The following PCDHGA1 variants were observed in gnomAD, a reference collection of about 807,000 sequenced individuals.
The protein encoded by PCDHGA1 is protocadherin gamma-A1.
In PCDHGA1, 32 loss-of-function variants were observed where a neutral mutation model predicts 58.0. The ratio of observed to expected loss-of-function variants is 0.55; its 90% confidence interval spans 0.42 to 0.74. The LOEUF (loss-of-function observed/expected upper bound fraction) is 0.74, where lower values mean the gene tolerates loss of function less well. PCDHGA1 is among the 30% of genes least tolerant of loss of function. The pLI is 0.00. For synonymous variants in PCDHGA1, 498 were observed against 501.1 expected, an observed-to-expected ratio of 0.99 and a Z score of 0.08; for missense variants, 1,205 against 1,182.3, an observed-to-expected ratio of 1.02 and a Z score of -0.28.
intron 1 of PCDHGA1, among the ~76,000 whole-genome samples, chr5:141,456,166 G>A (rs531975607): frequency 6.6e-6 from 1 of 152,148 alleles, no homozygotes; most frequent in African/African-American, 2.4e-5. Flanking sequence ...TAAAGTGCTG[G>A]GATTACAGAA....
At chr5:141,437,150 A>T (rs572721302) in intron 1 of PCDHGA1, among the ~76,000 whole-genome samples, 1 of 152,328 alleles carries the variant, frequency 6.6e-6, no homozygotes, top group East Asian at 1.9e-4. Flanking sequence ...CATAATTAAC[A>T]TATGTGTTGA....
At chr5:141,410,008 C>A (rs2095347582) in intron 1 of PCDHGA1, 1 of 1,613,220 alleles carries the variant, frequency 6.2e-7, no homozygotes, top group Non-Finnish European at 8.5e-7. Flanking sequence ...GACACAACGC[C>A]TGGCTGTCCT....
intron 1 of PCDHGA1, among the ~76,000 whole-genome samples, chr5:141,353,186 C>A (rs1033300245): frequency 6.6e-6 from 1 of 151,994 alleles, no homozygotes; most frequent in African/African-American, 2.4e-5. Flanking sequence ...GTATGGTTGG[C>A]AAATCTTGCT....
At chr5:141,414,921 G>T (rs746806079) in intron 1 of PCDHGA1, 22 of 1,613,992 alleles carry the variant, frequency 1.4e-5, no homozygotes, top group East Asian at 4.5e-5. Context: ...TGGAGCTGGC[G>T]CCCCGCTCCG....
At chr5:141,362,729 T>G in intron 1 of PCDHGA1, 1 of 807,602 alleles carries the variant, frequency 1.2e-6, no homozygotes, top group Non-Finnish European at 1.9e-6. Context: ...AAGTGTGAGA[T>G]TTATTTACCC....
At chr5:141,427,882 A>G (rs2097084180) in intron 1 of PCDHGA1, 3 of 1,563,878 alleles carry the variant, frequency 1.9e-6, no homozygotes, top group Non-Finnish European at 2.6e-6. Flanking sequence ...ATGCAGGCCC[A>G]CGACCAGGGC....
In PCDHGA1 at chr5:141,393,531, C is replaced by T. The variant is rs997965420; in HGVS notation, c.2421+60426C>T. On this transcript the variant is annotated intron_variant, in intron 1 of 3. Transcript: ENST00000517417. ...AGTGTTGGATACAAATGACAATGCC[C>T]CGGTTTTTCCTCACCCGATTTACCG... 4 of 1,613,890 alleles carry T rather than the reference C, an allele frequency of 2.5e-6. No individual in the cohort carries two copies. Among genetic ancestry groups the T allele is most frequent in the African/African-American group, 2.7e-5 (2 of 74,946 alleles).
intron 1 of PCDHGA1, among the ~76,000 whole-genome samples, chr5:141,349,210 C>T (rs938368457): frequency 1.3e-5 from 2 of 149,632 alleles, no homozygotes; most frequent in African/African-American, 5.0e-5. Context: ...GCTGGCGTTA[C>T]AGGTACCCGC....
chr5:141,416,223 A>AT, intron 1 of PCDHGA1: 1 of 152,302 alleles, frequency 6.6e-6, no homozygotes, highest in East Asian at 1.9e-4. Flanking sequence ...GTATGCTTAG[A>AT]TTTTTCCAGC....
chr5:141,428,177 G>A lies in PCDHGA1; in HGVS notation c.2422-66630G>A, dbSNP rs754811645. The A allele has an allele frequency of 1.4e-5, 21 of 1,510,058 alleles. 1 individual carries two copies. The South Asian group carries it at 1.7e-4, about 12-fold the overall frequency. The allele number at this position is 1,510,058 out of a possible 1,614,324, so 93.5% of individuals were successfully genotyped here. ...CCTGCTGGTTGCTGTGCGTGACGGA[G>A]GACAGCCGCCGCTCTCTGCGCCGCT... On this transcript the variant is annotated intron_variant, in intron 1 of 3. Coordinates refer to ENST00000517417, the MANE Select transcript of PCDHGA1 (RefSeq NM_018912.3).
chr5:141,501,390 T>TCAC (rs1033806087), intron 2 of PCDHGA1, among the ~76,000 whole-genome samples: 4 of 151,794 alleles, frequency 2.6e-5, no homozygotes, highest in African/African-American at 9.7e-5. Flanking sequence ...CTAGGTCCTG[T>TCAC]CACAGGCCAC....
At chr5:141,348,816 G>A (rs550611584) in intron 1 of PCDHGA1, among the ~76,000 whole-genome samples, 28 of 152,320 alleles carry the variant, frequency 1.8e-4, no homozygotes, top group Admixed American at 6.5e-4. Context: ...ATAATAGGCT[G>A]TTTCGAATAG....
At chr5:141,340,291 C>T (rs1392893091) in intron 1 of PCDHGA1, 1 of 1,614,172 alleles carries the variant, frequency 6.2e-7, no homozygotes, top group East Asian at 2.2e-5. Context: ...ACATTTTGCT[C>T]CAGGTGGCAG....
At chr5:141,354,402 G>C (rs1375359992) in intron 1 of PCDHGA1, among the ~76,000 whole-genome samples, 1 of 152,184 alleles carries the variant, frequency 6.6e-6, no homozygotes, top group Non-Finnish European at 1.5e-5. Flanking sequence ...AGAATCTACT[G>C]TACACAAAAT....
At chr5:141,344,184 G>C (rs747892220) in intron 1 of PCDHGA1, 14 of 1,614,016 alleles carry the variant, frequency 8.7e-6, no homozygotes, top group Non-Finnish European at 1.2e-5. Context: ...CATCGCTAAC[G>C]ACCTGGGGCT....
At chr5:141,374,686 C>T (rs765389244) in intron 1 of PCDHGA1, 5 of 1,609,642 alleles carry the variant, frequency 3.1e-6, no homozygotes, top group Non-Finnish European at 4.2e-6. Flanking sequence ...GCACACTGGA[C>T]CGGGAAGGAG....
chr5:141,347,020 TTTCCTCC>T (rs1757845884), intron 1 of PCDHGA1, among the ~76,000 whole-genome samples: 2 of 151,876 alleles, frequency 1.3e-5, no homozygotes, highest in Admixed American at 6.6e-5. Flanking sequence ...TTCCTCTCTC[TTTCCTCC>T]TTCCTTCCTT....
Position 141,417,750 on chromosome 5 carries a change from G to A in PCDHGA1, c.2422-77057G>A, listed in dbSNP as rs1430413607. The A allele has an allele frequency of 1.5e-5, 22 of 1,426,796 alleles. 1 individual carries two copies. In the East Asian group the frequency reaches 5.5e-4, roughly 36 times the overall value. The allele number at this position is 1,426,796 out of a possible 1,614,324, so 88.4% of individuals were successfully genotyped here. On this transcript the variant is annotated intron_variant, in intron 1 of 3. Coordinates refer to ENST00000517417, the MANE Select transcript of PCDHGA1 (RefSeq NM_018912.3). ...CCTTGCCCAGCACACCAGATTGCCA[G>A]CTCCGAGACCCGGGACTCCTCCTGT...
At chr5:141,482,530 C>CTAAAAA in intron 1 of PCDHGA1, among the ~76,000 whole-genome samples, 1 of 76,560 alleles carries the variant, frequency 1.3e-5, no homozygotes, top group African/African-American at 4.8e-5. Context: ...GACAGACATG[C>CTAAAAA]AAAAAAAAAA....
Sources: gnomAD v4.1 joint callset for allele counts (sites outside exome capture counted in the v4.1 genomes callset) on GRCh38, gnomAD v4.1.1 for gene constraint, MANE v1.5 for transcripts, NCBI Gene and HGNC (gene_info 2026-07-23, HGNC 2026-07-21) for gene names.